The following NRXN1 variants were observed in gnomAD, a reference collection of about 807,000 sequenced individuals.
NRXN1 encodes neurexin 1.
A neutral mutation model predicts 150.9 loss-of-function variants in NRXN1; 39 were observed. The observed-to-expected ratio is 0.26, with a 90% CI of 0.20 to 0.34. The LOEUF is 0.34. Among genes scored for constraint, NRXN1 ranks in the 10% least tolerant of loss-of-function variants. NRXN1 has a pLI of 1.00. For synonymous variants in NRXN1, 924 were observed against 757.0 expected, an observed-to-expected ratio of 1.22 and a Z score of -3.62; for missense variants, 1,815 against 1,949.9, an observed-to-expected ratio of 0.93 and a Z score of 1.30.
chr2:50,635,878 G>C lies in NRXN1; in HGVS notation c.833-12263C>G, dbSNP rs186695664. ...TAGGGAGGTTCCATTTACAATGAAG[G>C]CTACTTAAATTCTTTTCTTTCAGAA... On this transcript the variant is annotated intron_variant, in intron 5 of 22. Transcript: ENST00000401669. 3.4e-3 allele frequency among the ~76,000 whole-genome samples: 514 copies of C among 152,182 alleles called. 1 individual carries two copies. The highest frequency in any genetic ancestry group is 0.01 in the Middle Eastern group (3 of 294).
chr2:50,267,456 T>C (rs1345659138), intron 17 of NRXN1, among the ~76,000 whole-genome samples: 1 of 152,148 alleles, frequency 6.6e-6, no homozygotes, highest in Non-Finnish European at 1.5e-5. Flanking sequence ...CAATTGAAAA[T>C]TGAGCCATAA....
chr2:50,213,034 T>C (rs929260429), intron 18 of NRXN1, among the ~76,000 whole-genome samples: 8 of 151,888 alleles, frequency 5.3e-5, no homozygotes, highest in African/African-American at 1.9e-4. Context: ...ATGTGTTCTG[T>C]CTTTATAATT....
chr2:50,185,384 T>G (rs2060999751), intron 18 of NRXN1, among the ~76,000 whole-genome samples: 1 of 152,044 alleles, frequency 6.6e-6, no homozygotes, highest in East Asian at 1.9e-4. Flanking sequence ...ATATTTGTAT[T>G]GTATCTCTTG....
At chr2:50,612,735 T>C (rs988212702) in intron 8 of NRXN1, among the ~76,000 whole-genome samples, 1 of 152,188 alleles carries the variant, frequency 6.6e-6, no homozygotes, top group Non-Finnish European at 1.5e-5. Flanking sequence ...CTGATGCAGG[T>C]AAAGTGCTCT....
intron 21 of NRXN1, among the ~76,000 whole-genome samples, chr2:50,006,856 A>G (rs991469118): frequency 4.6e-5 from 7 of 152,156 alleles, no homozygotes; most frequent in African/African-American, 1.4e-4. Context: ...GGCCTTAAAC[A>G]GTGCAAACAC....
At chr2:50,785,278 T>A (rs1334694772) in intron 5 of NRXN1, among the ~76,000 whole-genome samples, 3 of 141,170 alleles carry the variant, frequency 2.1e-5, no homozygotes, top group Non-Finnish European at 4.6e-5. Flanking sequence ...AGACGGAGTC[T>A]CATTCTGTCG....
At chr2:50,308,725 T>C (rs2074888428) in intron 17 of NRXN1, among the ~76,000 whole-genome samples, 1 of 152,178 alleles carries the variant, frequency 6.6e-6, no homozygotes, top group Non-Finnish European at 1.5e-5. Context: ...GTCCGGCTTA[T>C]TTCACTTAGT....
Position 50,340,582 on chromosome 2 carries a change from TC to T in NRXN1, c.3365-103613del, listed in dbSNP as rs570921431. 1.5e-3 allele frequency among the ~76,000 whole-genome samples: 224 copies of T among 152,168 alleles called. 1 individual carries two copies. Among genetic ancestry groups the T allele is most frequent in the African/African-American group, 5.2e-3 (214 of 41,506 alleles). ...TGAATATAATCTTTGCAAAAATATC[TC>T]CAGTTACAATATGTTTAGAATCAAT... On this transcript the variant is annotated intron_variant, in intron 17 of 22. Coordinates refer to ENST00000401669, the MANE Select transcript of NRXN1 (RefSeq NM_001330078.2).
At chr2:50,937,915 G>A (rs1236503769) in intron 2 of NRXN1, among the ~76,000 whole-genome samples, 1 of 152,060 alleles carries the variant, frequency 6.6e-6, no homozygotes, top group African/African-American at 2.4e-5. Context: ...AAACCTGGAT[G>A]GTATGGCCTA....
At chr2:50,877,552 C>A (rs1409707736) in intron 5 of NRXN1, among the ~76,000 whole-genome samples, 1 of 151,910 alleles carries the variant, frequency 6.6e-6, no homozygotes, top group Non-Finnish European at 1.5e-5. Context: ...TAGTCATTTA[C>A]AATTGAACAC....
intron 5 of NRXN1, among the ~76,000 whole-genome samples, chr2:50,783,905 T>A (rs942229896): frequency 6.6e-6 from 1 of 152,132 alleles, no homozygotes; most frequent in Non-Finnish European, 1.5e-5. Flanking sequence ...TTCCTGACCC[T>A]GCGCTTATAC....
chr2:50,770,088 T>G (rs1290736466), intron 5 of NRXN1, among the ~76,000 whole-genome samples: 5 of 152,096 alleles, frequency 3.3e-5, no homozygotes, highest in Non-Finnish European at 7.4e-5. Context: ...CTTTGAAACA[T>G]ACGCCATTTG....
At chr2:50,437,787 G>A (rs1331350335) in intron 17 of NRXN1, among the ~76,000 whole-genome samples, 5 of 151,992 alleles carry the variant, frequency 3.3e-5, no homozygotes, top group South Asian at 2.1e-4. Context: ...CTAATACAAC[G>A]CTGGTCACCA....
chr2:50,823,578 G>C (rs1559313835), intron 5 of NRXN1, among the ~76,000 whole-genome samples: 1 of 151,988 alleles, frequency 6.6e-6, no homozygotes, highest in African/African-American at 2.4e-5. Flanking sequence ...TCCTCAACTA[G>C]ACTGAAGAAT....
chr2:50,753,806 C>T (rs1288960788), intron 5 of NRXN1, among the ~76,000 whole-genome samples: 1 of 151,320 alleles, frequency 6.6e-6, no homozygotes, highest in Admixed American at 6.6e-5. Context: ...CAAGGTAATC[C>T]CTAAGTGAGA....
intron 21 of NRXN1, among the ~76,000 whole-genome samples, chr2:49,984,036 C>T (rs62134608): frequency 0.47 from 70,764 of 151,262 alleles, 17,137 homozygotes; most frequent in Middle Eastern, 0.6. Flanking sequence ...TGTGGTAATA[C>T]AGCACCTGTA....
intron 17 of NRXN1, among the ~76,000 whole-genome samples, chr2:50,437,545 C>T (rs2085548621): frequency 6.6e-6 from 1 of 152,076 alleles, no homozygotes; most frequent in Non-Finnish European, 1.5e-5. Flanking sequence ...GTATTACATG[C>T]TTCTGTGTTC....
intron 17 of NRXN1, among the ~76,000 whole-genome samples, chr2:50,329,667 ATATATATT>A (rs1330538554): frequency 0.017 from 434 of 26,192 alleles, 40 homozygotes; most frequent in Non-Finnish European, 0.02. Flanking sequence ...ATATATATAT[ATATATATT>A]TTTTTTTTTC....
At chr2:50,265,644 G>A (rs1045674434) in intron 17 of NRXN1, among the ~76,000 whole-genome samples, 7 of 152,074 alleles carry the variant, frequency 4.6e-5, no homozygotes, top group Non-Finnish European at 1.5e-5. Flanking sequence ...CCAAAAGCAA[G>A]ACATAGCACA....
Sources: allele counts gnomAD v4.1 joint callset (sites outside exome capture counted in the v4.1 genomes callset), GRCh38; gene constraint gnomAD v4.1.1; transcripts MANE v1.5; gene names NCBI Gene and HGNC (gene_info 2026-07-23, HGNC 2026-07-21).